The following RPS6KA5 variants were observed in gnomAD, a reference collection of about 807,000 sequenced individuals.
The protein encoded by RPS6KA5 is ribosomal protein S6 kinase alpha-5.
RPS6KA5 carries 27 observed loss-of-function variants against 85.5 expected under a neutral mutation model. The observed-to-expected ratio is 0.32, with a 90% CI of 0.23 to 0.44. The LOEUF is 0.44. Among genes scored for constraint, RPS6KA5 ranks in the 20% least tolerant of loss-of-function variants. The pLI is 1.00. For missense variants in RPS6KA5, 811 were observed against 980.9 expected (o/e 0.83, Z 2.31); for synonymous variants, 334 against 348.2 (o/e 0.96, Z 0.46).
chr14:91,020,633 TG>T (rs2041723197), intron 1 of RPS6KA5, among the ~76,000 whole-genome samples: 1 of 150,498 alleles, frequency 6.6e-6, no homozygotes, highest in African/African-American at 2.5e-5. Context: ...TGTGTGTGTG[TG>T]TGTGTGTGTG....
At position 90,860,231 on chromosome 14, in the gene RPS6KA5, T is replaced by A. The variant is rs2032473297; in HGVS notation, c.*11843A>T. On this transcript the variant is annotated 3_prime_UTR_variant, in exon 17 of 17. Transcript: ENST00000614987. ...ACAGAACTTAAGGATTGGAATGATA[T>A]CTTGAAAATGGTGAACCTAGGCTGG... 6.6e-6 allele frequency: 1 copy of A among 152,038 alleles called. No homozygotes were observed. Among genetic ancestry groups the A allele is most frequent in the South Asian group, 2.1e-4 (1 of 4,818 alleles). 9.4% of individuals were successfully genotyped at this position (152,038 alleles called of 1,614,324 possible).
At chr14:91,021,594 G>C (rs1304256958) in intron 1 of RPS6KA5, among the ~76,000 whole-genome samples, 1 of 152,114 alleles carries the variant, frequency 6.6e-6, no homozygotes, top group Non-Finnish European at 1.5e-5. Flanking sequence ...TGTATTTTTA[G>C]TAGAGACAGG....
At chr14:90,993,818 T>C (rs905529879) in intron 2 of RPS6KA5, among the ~76,000 whole-genome samples, 1 of 152,226 alleles carries the variant, frequency 6.6e-6, no homozygotes, top group African/African-American at 2.4e-5. Flanking sequence ...CTCCCAGCTA[T>C]TATTTCTTTG....
At chr14:91,030,246 T>C (rs997077110) in intron 1 of RPS6KA5, among the ~76,000 whole-genome samples, 4 of 152,178 alleles carry the variant, frequency 2.6e-5, no homozygotes, top group African/African-American at 9.7e-5. Flanking sequence ...TTAGGATTAA[T>C]AATTTCCTGG....
intron 1 of RPS6KA5, chr14:91,059,934 A>G (rs2139996662): frequency 1.5e-6 from 1 of 683,328 alleles, no homozygotes; most frequent in Non-Finnish European, 1.8e-6. Context: ...GGAGGGAGAC[A>G]CTCTCCAAAA....
At chr14:91,041,939 G>C (rs2042620595) in intron 1 of RPS6KA5, among the ~76,000 whole-genome samples, 1 of 152,068 alleles carries the variant, frequency 6.6e-6, no homozygotes. Flanking sequence ...TAACAAACAG[G>C]CTTTTTTTTC....
chr14:91,046,924 G>A (rs907324844), intron 1 of RPS6KA5, among the ~76,000 whole-genome samples: 52 of 151,632 alleles, frequency 3.4e-4, no homozygotes, highest in African/African-American at 1.2e-3. Context: ...GCCTGTAATC[G>A]CAGCACTTCT....
intron 5 of RPS6KA5, among the ~76,000 whole-genome samples, chr14:90,930,058 G>A (rs1432906067): frequency 6.6e-6 from 1 of 152,134 alleles, no homozygotes; most frequent in Non-Finnish European, 1.5e-5. Flanking sequence ...ATTTTGTAGA[G>A]ATGAATTCTT....
chr14:90,992,869 T>C (rs1253898469), intron 2 of RPS6KA5, among the ~76,000 whole-genome samples: 1 of 152,214 alleles, frequency 6.6e-6, no homozygotes, highest in Non-Finnish European at 1.5e-5. Flanking sequence ...TTACTGTGCA[T>C]GTTAAACTTT....
Position 91,060,427 on chromosome 14 carries a change from T to G in RPS6KA5, c.8A>C (p.Glu3Ala), listed in dbSNP as rs2043617755. The part of the protein sequence containing the change: ME[E>A]EGGSSGGAAG... ...GGCGCCGCCGCTGCTGCCACCCTCC[T>G]CCTCCATCTTCTCCTTTTTTTCCGA... is the stretch of plus-strand genomic sequence containing the variant. The change falls in exon 1 of 17, where the codon GAG becomes GCG. Residue 3 changes from glutamate (E) to alanine (A), a missense_variant. Physicochemically the swap from Glu to Ala is moderately radical, Grantham distance 107. Transcript: ENST00000614987. 3.4e-6 allele frequency: 5 copies of G among 1,486,284 alleles called. No individual in the cohort carries two copies. The highest frequency in any genetic ancestry group is 1.8e-4 in the Middle Eastern group (1 of 5,580). The allele number at this position is 1,486,284 out of a possible 1,614,324, so 92.1% of individuals were successfully genotyped here.
intron 7 of RPS6KA5, among the ~76,000 whole-genome samples, chr14:90,909,214 C>G (rs1245490340): frequency 6.6e-6 from 1 of 152,172 alleles, no homozygotes; most frequent in Non-Finnish European, 1.5e-5. Context: ...ACTAGAGGAT[C>G]CTGCAACAAG....
intron 1 of RPS6KA5, among the ~76,000 whole-genome samples, chr14:91,055,651 C>T (rs563143857): frequency 7.9e-5 from 12 of 152,220 alleles, no homozygotes; most frequent in Admixed American, 5.9e-4. Flanking sequence ...GTGGTGCATG[C>T]CCGTAGTCCC....
chr14:91,019,049 A>C (rs2041623722), intron 1 of RPS6KA5, among the ~76,000 whole-genome samples: 1 of 152,064 alleles, frequency 6.6e-6, no homozygotes, highest in African/African-American at 2.4e-5. Flanking sequence ...AGGTCAGTGC[A>C]TTTTTGTACA....
intron 7 of RPS6KA5, among the ~76,000 whole-genome samples, chr14:90,908,764 T>C (rs1243845882): frequency 6.6e-6 from 1 of 152,200 alleles, no homozygotes; most frequent in South Asian, 2.1e-4. Flanking sequence ...GTGGGTCAGG[T>C]GCTGTGAAAG....
intron 1 of RPS6KA5, among the ~76,000 whole-genome samples, chr14:91,010,783 T>TA (rs1760732935): frequency 6.6e-6 from 1 of 152,152 alleles, no homozygotes; most frequent in Non-Finnish European, 1.5e-5. Context: ...AAATGGAATG[T>TA]AGGAAAGGCT....
intron 7 of RPS6KA5, among the ~76,000 whole-genome samples, chr14:90,914,208 G>A (rs1285541484): frequency 6.6e-6 from 1 of 151,886 alleles, no homozygotes; most frequent in Non-Finnish European, 1.5e-5. Context: ...ACAACAGAGG[G>A]CCAGGTCTCC....
intron 14 of RPS6KA5, among the ~76,000 whole-genome samples, chr14:90,889,955 A>C (rs911186287): frequency 2.6e-5 from 4 of 152,332 alleles, no homozygotes; most frequent in Admixed American, 6.5e-5. Context: ...GAGAAAAAAA[A>C]CACAAGATTT....
At chr14:90,925,376 C>A (rs2036602158) in intron 5 of RPS6KA5, among the ~76,000 whole-genome samples, 1 of 152,176 alleles carries the variant, frequency 6.6e-6, no homozygotes, top group African/African-American at 2.4e-5. Flanking sequence ...AAAATAAATT[C>A]ATCTGCTAGC....
chr14:90,898,904 T>C (rs2034997410), intron 12 of RPS6KA5, among the ~76,000 whole-genome samples: 2 of 152,222 alleles, frequency 1.3e-5, no homozygotes, highest in African/African-American at 4.8e-5. Flanking sequence ...TTAGCTTGCA[T>C]TAATTAGGCT....
Sources: allele counts gnomAD v4.1 joint callset (sites outside exome capture counted in the v4.1 genomes callset), GRCh38; gene constraint gnomAD v4.1.1; transcripts MANE v1.5; gene names NCBI Gene and HGNC (gene_info 2026-07-23, HGNC 2026-07-21).